Variants in ACOX3 observed in about 807,000 individuals in gnomAD.
The protein encoded by ACOX3 is acyl-CoA oxidase 3, pristanoyl, also known as peroxisomal acyl-coenzyme A oxidase 3.
Under a neutral mutation model 81.5 loss-of-function variants are expected in ACOX3, and 73 were observed. That is an observed-to-expected ratio of 0.90 (90% CI 0.74 to 1.09). The LOEUF (loss-of-function observed/expected upper bound fraction) is 1.09, where lower values mean the gene tolerates loss of function less well. Among genes scored for constraint, ACOX3 ranks in the 50% least tolerant of loss-of-function variants. ACOX3 has a pLI of 0.00. For missense variants in ACOX3, 947 were observed against 928.0 expected (o/e 1.02, Z -0.27); for synonymous variants, 387 against 375.1 (o/e 1.03, Z -0.37).
At chr4:8,420,158 C>T (rs1334847137) in intron 1 of ACOX3, among the ~76,000 whole-genome samples, 2 of 152,226 alleles carry the variant, frequency 1.3e-5, no homozygotes, top group African/African-American at 4.8e-5. Flanking sequence ...TATTATCAAG[C>T]ACAGCTGGCT....
chr4:8,386,520 CAT>C lies in ACOX3; in HGVS notation c.1537+2651_1537+2652del, dbSNP rs1718319807. Among the ~76,000 whole-genome samples the C allele has an allele frequency of 1.4e-5, 2 of 146,186 alleles. No homozygotes were observed. Among genetic ancestry groups the C allele is most frequent in the South Asian group, 4.4e-4 (2 of 4,524 alleles). ...GGTGGAGCTTGCAGTGAGCCGAGAT[CAT>C]ACCACTGCACTCCAGCCTGGGCGAC... On this transcript the variant is annotated intron_variant, in intron 13 of 17. Transcript: ENST00000356406. This position sits in a 1 kb window ranked among gnomAD's most constrained non-coding sequence, Gnocchi z 5.2.
Position 8,415,879 on chromosome 4 carries a change from C to T in ACOX3, c.265G>A (p.Asp89Asn). 6.2e-7 allele frequency: 1 copy of T among 1,614,196 alleles called. No individual in the cohort carries two copies. The highest frequency in any genetic ancestry group is 1.1e-5 in the South Asian group (1 of 91,072). ...FLRCKRIFEY[D>N]FLSVEDMFKS... ...AACATGTCTTCGACACTGAGGAAGT[C>T]ATACTCGAAGATCCGCTTGCATCGA... Residue 89 changes from aspartate to asparagine, a missense_variant, in exon 3 of 18, where the codon GAC becomes AAC. Physicochemically the swap from Asp to Asn is conservative, Grantham distance 23. Transcript: ENST00000356406.
chr4:8,373,047 C>G (rs1716426983), intron 16 of ACOX3, among the ~76,000 whole-genome samples: 1 of 152,076 alleles, frequency 6.6e-6, no homozygotes, highest in African/African-American at 2.4e-5. Flanking sequence ...GGGTTGGGGC[C>G]CTCTGATTTC....
In ACOX3 at chr4:8,381,188, C is replaced by T. The variant is rs1429117100; in HGVS notation, c.1653+304G>A. 1.3e-5 allele frequency among the ~76,000 whole-genome samples: 2 copies of T among 152,178 alleles called. No individual in the cohort carries two copies. Among genetic ancestry groups the T allele is most frequent in the African/African-American group, 4.8e-5 (2 of 41,440 alleles). On this transcript the variant is annotated intron_variant, in intron 14 of 17. Transcript: ENST00000356406. The surrounding 1 kb of genome is among the most constrained non-coding windows in gnomAD (Gnocchi z 4.3). The stretch of plus-strand genomic sequence containing the variant: ...CTCTGAGTGCCCGCAATGGTGTCTC[C>T]GCCACTCTGTGCATCCAAGGCTCTC...
At position 8,416,377 on chromosome 4, in the gene ACOX3, C is replaced by A. The variant is rs755296924; in HGVS notation, c.144+1G>T. On this transcript the variant is annotated splice_donor_variant, in intron 2 of 17. Transcript: ENST00000356406. LOFTEE classifies it high-confidence loss of function. This position sits in a 1 kb window ranked among gnomAD's most constrained non-coding sequence, Gnocchi z 4.2. ...AAGCTGCGCACAACCGCACGCCTCA[C>A]CTTAAAGCGGAGCATGCCCTCCCCT... The A allele has an allele frequency of 2.5e-5, 41 of 1,614,090 alleles. No homozygotes were observed. The highest frequency in any genetic ancestry group is 3.5e-5 in the Non-Finnish European group (41 of 1,180,056).
At chr4:8,364,488 C>T (rs1281040576), downstream of ACOX3, among the ~76,000 whole-genome samples, 4 of 93,938 alleles carry the variant, frequency 4.3e-5, no homozygotes, top group Non-Finnish European at 7.2e-5. The surrounding 1 kb of genome is among the most constrained non-coding windows in gnomAD (Gnocchi z 5.0). Flanking sequence ...TGCATGAGAA[C>T]CCGTCGTGTC....
chr4:8,390,949 G>C (rs1485455944), intron 11 of ACOX3, among the ~76,000 whole-genome samples: 1 of 152,128 alleles, frequency 6.6e-6, no homozygotes, highest in Non-Finnish European at 1.5e-5. Flanking sequence ...ATTTGCAATT[G>C]ATTTTCTAAA....
At chr4:8,365,750 G>GT (rs1715373638), downstream of ACOX3, among the ~76,000 whole-genome samples, 2 of 143,728 alleles carry the variant, frequency 1.4e-5, no homozygotes, top group South Asian at 4.3e-4. Flanking sequence ...GTGGGATGTG[G>GT]TGGGGGGGTG....
At chr4:8,374,232 T>C (rs576848082) in intron 15 of ACOX3, 142 of 154,434 alleles carry the variant, frequency 9.2e-4, no homozygotes, top group South Asian at 5.2e-3. Flanking sequence ...GAGAGAACTG[T>C]GTCTCATCAC....
chr4:8,440,706 G>C lies in ACOX3; in HGVS notation c.-73C>G. On this transcript the variant is annotated 5_prime_UTR_variant, in exon 1 of 18. Transcript: ENST00000356406. The stretch of plus-strand genomic sequence containing the variant: ...AACCAAAAGCAGGAAAGGATCTCCA[G>C]CGGCGCCATTCTCATTTCCGGTCCC... 3 of 1,258,492 alleles carry C rather than the reference G, an allele frequency of 2.4e-6. No homozygotes were observed. The highest frequency in any genetic ancestry group is 3.1e-6 in the Non-Finnish European group (3 of 966,030). 78.0% of individuals were successfully genotyped at this position (1,258,492 alleles called of 1,614,324 possible). A position where few individuals can be genotyped will look rare whatever the true frequency, so the allele number is the denominator to read the frequency against.
chr4:8,418,080 T>C (rs544405522), intron 1 of ACOX3, among the ~76,000 whole-genome samples: 5 of 152,292 alleles, frequency 3.3e-5, no homozygotes, highest in Non-Finnish European at 7.4e-5. Flanking sequence ...GGGGTTCCAT[T>C]GTGAATTCTG....
At chr4:8,408,891 T>TGGGGGGGGGGGGGGG (rs200811549) in intron 6 of ACOX3, among the ~76,000 whole-genome samples, 2 of 25,790 alleles carry the variant, frequency 7.8e-5, no homozygotes, top group Admixed American at 4.9e-4. Flanking sequence ...GAGCCCTCAC[T>TGGGGGGGGGGGGGGG]GGGGGGGGGG....
In ACOX3 at chr4:8,407,227, G is replaced by T. The variant is rs1721091310; in HGVS notation, c.688-1184C>A. Among the ~76,000 whole-genome samples the T allele has an allele frequency of 6.6e-6, 1 of 152,104 alleles. No homozygotes were observed. Among genetic ancestry groups the T allele is most frequent in the African/African-American group, 2.4e-5 (1 of 41,414 alleles). The stretch of plus-strand genomic sequence containing the variant: ...TTCCTAGGTTATGATTATAGAGCGA[G>T]GATTATTATAATATTGGGATAAAGA... On this transcript the variant is annotated intron_variant, in intron 6 of 17. Coordinates refer to ENST00000356406, the MANE Select transcript of ACOX3 (RefSeq NM_003501.3). This position sits in a 1 kb window ranked among gnomAD's most constrained non-coding sequence, Gnocchi z 4.6.
In ACOX3 at chr4:8,377,856, G is replaced by A. The variant is rs1001008679; in HGVS notation, c.1654-2704C>T. ...GCAGTCCCTCCCCCACGGACAAAGT[G>A]TCCCCACAGCTACGGTTAGGGCTGG... is the stretch of plus-strand genomic sequence containing the variant. On this transcript the variant is annotated intron_variant, in intron 14 of 17. Transcript: ENST00000356406. 1.1e-4 allele frequency among the ~76,000 whole-genome samples: 16 copies of A among 152,314 alleles called. No homozygotes were observed. The East Asian group carries it at 2.9e-3, about 28-fold the overall frequency.
chr4:8,373,403 G>C (rs1274845317), intron 16 of ACOX3, among the ~76,000 whole-genome samples, 158 bp downstream of exon 16: 9 of 150,982 alleles, frequency 6.0e-5, no homozygotes, highest in African/African-American at 1.7e-4. Flanking sequence ...CTGGGTAAGG[G>C]GGTGCGTGTA....
At chr4:8,436,991 C>CA (rs60797435) in intron 1 of ACOX3, among the ~76,000 whole-genome samples, 85 of 89,284 alleles carry the variant, frequency 9.5e-4, no homozygotes, top group East Asian at 4.9e-3. Context: ...GACTCCATCT[C>CA]AAAAAAAAAA....
chr4:8,396,826 T>C (rs963406542), intron 9 of ACOX3, 111 bp downstream of exon 9: 9 of 1,275,910 alleles, frequency 7.1e-6, no homozygotes, highest in Admixed American at 2.6e-5. Flanking sequence ...ATCCTGTTAA[T>C]TGCCTTAAGA....
intron 3 of ACOX3, among the ~76,000 whole-genome samples, 195 bp from the exon 4 acceptor site, chr4:8,415,123 C>G (rs1408197423): frequency 6.6e-6 from 1 of 152,248 alleles, no homozygotes; most frequent in East Asian, 1.9e-4. Flanking sequence ...GGTCTCCTGA[C>G]ACACAGCTGC....
chr4:8,415,142 C>T (rs1034598602), intron 3 of ACOX3, among the ~76,000 whole-genome samples: 9 of 152,202 alleles, frequency 5.9e-5, no homozygotes, highest in East Asian at 3.8e-4. Context: ...GCCCCGGGTC[C>T]CTGAGTTCAT....
Sources: allele counts gnomAD v4.1 joint callset (sites outside exome capture counted in the v4.1 genomes callset), GRCh38; gene constraint gnomAD v4.1.1; non-coding constraint Gnocchi (gnomAD v3.1); transcripts MANE v1.5; gene names NCBI Gene and HGNC (gene_info 2026-07-23, HGNC 2026-07-21).